MECOM: variants seen among roughly 807,000 people sequenced by gnomAD.
MECOM encodes the protein histone-lysine N-methyltransferase MECOM.
In MECOM, 13 loss-of-function variants were observed where a neutral mutation model predicts 116.3. The observed-to-expected ratio is 0.11, with a 90% CI of 0.07 to 0.18. MECOM has a LOEUF of 0.18. Ranked by LOEUF, MECOM falls within the 10% of genes least tolerant of loss-of-function variation. The probability of loss-of-function intolerance (pLI) is 1.00; values close to 1 mark genes in which losing one functional copy is unlikely to be tolerated. For synonymous variants in MECOM, 528 were observed against 535.2 expected, an observed-to-expected ratio of 0.99 and a Z score of 0.19; for missense variants, 1,299 against 1,509.0, an observed-to-expected ratio of 0.86 and a Z score of 2.31.
chr3:169,637,546 A>G lies in MECOM; in HGVS notation c.37+25790T>C, dbSNP rs568908538. 5.9e-5 allele frequency among the ~76,000 whole-genome samples: 9 copies of G among 152,302 alleles called. 1 individual carries two copies. In the South Asian group the frequency reaches 1.7e-3, roughly 28 times the overall value. ...GATATTTGAGGCCTATGGATGACTC[A>G]AAACTCTGAAATAAAGATCAACCAG... On this transcript the variant is annotated intron_variant, in intron 1 of 16. Coordinates refer to ENST00000651503, the MANE Select transcript of MECOM (RefSeq NM_004991.4).
chr3:169,381,380 C>T lies in MECOM; in HGVS notation c.182G>A (p.Gly61Asp). The T allele has an allele frequency of 6.2e-7, 1 of 1,613,898 alleles. No individual in the cohort carries two copies. Among genetic ancestry groups the T allele is most frequent in the Non-Finnish European group, 8.5e-7 (1 of 1,179,830 alleles). ...TSSEAFTPKEGSPYKAPIYIP... is the reference protein window; with the variant it reads ...TSSEAFTPKEDSPYKAPIYIP... ...GTAGATGGGGGCTTTGTAAGGAGAA[C>T]CCTCCTTTGGAGTGAATGCTTCACT... Residue 61 changes from glycine to aspartate, a missense_variant, in exon 2 of 17, where the codon GGT becomes GAT. This residue lies in a region of MECOM where 374 missense variants were observed against 433.4 expected (regional missense o/e 0.86). Coordinates refer to ENST00000651503, the MANE Select transcript of MECOM (RefSeq NM_004991.4).
At chr3:169,435,896 T>C (rs1305669239) in intron 1 of MECOM, among the ~76,000 whole-genome samples, 1 of 152,204 alleles carries the variant, frequency 6.6e-6, no homozygotes, top group East Asian at 1.9e-4. Flanking sequence ...ATTCCAATAA[T>C]GGACCAAAAC....
At chr3:169,471,060 T>A (rs543576618) in intron 1 of MECOM, among the ~76,000 whole-genome samples, 1 of 152,062 alleles carries the variant, frequency 6.6e-6, no homozygotes. Flanking sequence ...CCACACAACT[T>A]CCCCAATACC....
At chr3:169,342,740 T>A (rs903582390) in intron 2 of MECOM, among the ~76,000 whole-genome samples, 1 of 152,180 alleles carries the variant, frequency 6.6e-6, no homozygotes, top group African/African-American at 2.4e-5. Context: ...GAATATTTCT[T>A]CCCAATATGG....
At chr3:169,570,439 A>G in intron 1 of MECOM, among the ~76,000 whole-genome samples, 1 of 152,216 alleles carries the variant, frequency 6.6e-6, no homozygotes, top group Non-Finnish European at 1.5e-5. Context: ...ATTCCTTCTG[A>G]AACTATTCCA....
chr3:169,326,946 G>A (rs1035264985), intron 2 of MECOM, among the ~76,000 whole-genome samples: 1 of 152,134 alleles, frequency 6.6e-6, no homozygotes, highest in African/African-American at 2.4e-5. Context: ...TGAGCTTCTG[G>A]AAGATTATTT....
chr3:169,337,381 A>C (rs1723746931), intron 2 of MECOM, among the ~76,000 whole-genome samples: 4 of 152,178 alleles, frequency 2.6e-5, no homozygotes, highest in Admixed American at 2.0e-4. Flanking sequence ...TCAAAAGCAT[A>C]AGCTTGGAAG....
chr3:169,347,699 C>T (rs9812553), intron 2 of MECOM, among the ~76,000 whole-genome samples: 5 of 152,008 alleles, frequency 3.3e-5, no homozygotes, highest in Non-Finnish European at 5.9e-5. Context: ...TTCCCTTCTT[C>T]TGATTCAAAT....
intron 2 of MECOM, among the ~76,000 whole-genome samples, chr3:169,302,090 C>T (rs1716824243): frequency 6.6e-6 from 1 of 152,208 alleles, no homozygotes; most frequent in African/African-American, 2.4e-5. Flanking sequence ...AGTTCCACTA[C>T]CTTGCCTTTT....
intron 13 of MECOM, among the ~76,000 whole-genome samples, 153 bp from the exon 14 acceptor site, chr3:169,093,255 C>A (rs12634370): frequency 0.26 from 38,976 of 152,056 alleles, 5,217 homozygotes; most frequent in Non-Finnish European, 0.29. Flanking sequence ...AAAGTCTCCC[C>A]AGTTTACCAT....
At chr3:169,289,357 C>G (rs904516955) in intron 2 of MECOM, among the ~76,000 whole-genome samples, 2 of 152,076 alleles carry the variant, frequency 1.3e-5, no homozygotes, top group Admixed American at 1.3e-4. Flanking sequence ...ACTTCATTGC[C>G]CACTAATAGA....
At chr3:169,296,189 T>G (rs2149705241) in intron 2 of MECOM, among the ~76,000 whole-genome samples, 1 of 152,228 alleles carries the variant, frequency 6.6e-6, no homozygotes, top group South Asian at 2.1e-4. Context: ...GCTTTCCCCC[T>G]CCAGCTATGG....
intron 1 of MECOM, among the ~76,000 whole-genome samples, chr3:169,586,004 A>T (rs1765731739): frequency 6.6e-6 from 1 of 152,224 alleles, no homozygotes; most frequent in South Asian, 2.1e-4. Flanking sequence ...AAGACTCTAC[A>T]ACCACAAAAT....
At chr3:169,566,019 G>T (rs757107997) in intron 1 of MECOM, 18 of 428,518 alleles carry the variant, frequency 4.2e-5, no homozygotes, top group South Asian at 3.1e-4. Flanking sequence ...GTGGTGGAAG[G>T]CGAAGGGGAA....
chr3:169,397,459 C>T (rs1413670623), intron 1 of MECOM, among the ~76,000 whole-genome samples: 1 of 152,226 alleles, frequency 6.6e-6, no homozygotes, highest in Non-Finnish European at 1.5e-5. Flanking sequence ...ATTAACCTAT[C>T]TCTTTCCCTA....
chr3:169,601,632 AC>A (rs1767843768), intron 1 of MECOM, among the ~76,000 whole-genome samples: 1 of 152,158 alleles, frequency 6.6e-6, no homozygotes, highest in Non-Finnish European at 1.5e-5. Flanking sequence ...TTCTCTCTGA[AC>A]CTGTGAATTG....
chr3:169,132,030 A>G, intron 3 of MECOM: 1 of 937,302 alleles, frequency 1.1e-6, no homozygotes, highest in African/African-American at 1.8e-5. Flanking sequence ...GACATAAAGG[A>G]TCATGACAAC....
At chr3:169,184,190 A>C (rs1004487048) in intron 2 of MECOM, among the ~76,000 whole-genome samples, 1 of 152,090 alleles carries the variant, frequency 6.6e-6, no homozygotes, top group African/African-American at 2.4e-5. Context: ...TTTATGATGA[A>C]TGTCTTTCTG....
intron 1 of MECOM, among the ~76,000 whole-genome samples, chr3:169,429,529 G>A (rs1741257917): frequency 1.3e-5 from 2 of 152,152 alleles, no homozygotes; most frequent in Admixed American, 1.3e-4. Context: ...TTTGTTGCCT[G>A]AATGTTGCAT....
Sources: allele counts gnomAD v4.1 joint callset (sites outside exome capture counted in the v4.1 genomes callset), GRCh38; gene constraint gnomAD v4.1.1; regional missense constraint gnomAD v4.1.1; transcripts MANE v1.5; gene names NCBI Gene and HGNC (gene_info 2026-07-23, HGNC 2026-07-21).